The following BCAS1 variants were observed in gnomAD, a reference collection of about 807,000 sequenced individuals.
BCAS1 encodes the protein brain enriched myelin associated protein 1, also known as breast carcinoma-amplified sequence 1.
In BCAS1, 46 loss-of-function variants were observed where a neutral mutation model predicts 65.4. That is an observed-to-expected ratio of 0.70 (90% CI 0.55 to 0.90). BCAS1 has a LOEUF of 0.90. Ranked by LOEUF, BCAS1 falls within the 40% of genes least tolerant of loss-of-function variation. The pLI, the probability that BCAS1 is intolerant of heterozygous loss-of-function variation, is 0.00. For synonymous variants in BCAS1, 298 were observed against 293.5 expected (o/e 1.02, Z -0.16); for missense variants, 793 against 771.2 (o/e 1.03, Z -0.33).
intron 6 of BCAS1, 37 bp downstream of exon 6, chr20:53,994,975 A>G: frequency 3.1e-6 from 5 of 1,594,978 alleles, no homozygotes; most frequent in Non-Finnish European, 3.4e-6. Context: ...TCTATGCGCA[A>G]ACCCAAATAT....
chr20:54,063,429 T>C (rs1368817573), intron 1 of BCAS1, among the ~76,000 whole-genome samples: 1 of 152,236 alleles, frequency 6.6e-6, no homozygotes, highest in Admixed American at 6.5e-5. Context: ...CCTTGCTCTT[T>C]GAAGCCAGTT....
intron 4 of BCAS1, among the ~76,000 whole-genome samples, chr20:54,003,397 C>G (rs1178158172): frequency 6.6e-6 from 1 of 152,146 alleles, no homozygotes; most frequent in East Asian, 1.9e-4. Flanking sequence ...CTTTTGAAAT[C>G]TATTCTTCAC....
In BCAS1 at chr20:53,960,682, T is replaced by C. The variant is rs1194684671; in HGVS notation, c.1486-3185A>G. ...AACAACTGTTTCCTTCCTTCCTTCC[T>C]TCCTTCTTTCCTTCCTTCCTTCCTC... On this transcript the variant is annotated intron_variant, in intron 10 of 12. Transcript: ENST00000688948. Among the ~76,000 whole-genome samples the C allele has an allele frequency of 3.9e-5, 6 of 152,142 alleles. No homozygotes were observed. In the East Asian group the frequency reaches 7.7e-4, roughly 20 times the overall value.
rs2092417481 is a variant in BCAS1 at position 54,064,921 on chromosome 20, T to C, written c.-6+5512A>G. Among the ~76,000 whole-genome samples, 5 of 152,266 alleles carry C rather than the reference T, an allele frequency of 3.3e-5. No homozygotes were observed. In the South Asian group the frequency reaches 1.0e-3, roughly 32 times the overall value. ...TACTTTTATTTTCCCAGTTGTCTTA[T>C]GAGAAGCCGGAGCACAGAGAGGTTG... On this transcript the variant is annotated intron_variant, in intron 1 of 12. Transcript: ENST00000688948.
intron 3 of BCAS1, among the ~76,000 whole-genome samples, chr20:54,050,275 T>C (rs1408074008): frequency 1.3e-5 from 2 of 152,218 alleles, no homozygotes; most frequent in African/African-American, 4.8e-5. Flanking sequence ...TCATCTCACA[T>C]TCCTTAGTCA....
At chr20:53,974,872 G>C (rs2090282943) in intron 9 of BCAS1, among the ~76,000 whole-genome samples, 1 of 152,142 alleles carries the variant, frequency 6.6e-6, no homozygotes. Context: ...AAACTGTGAG[G>C]CTCAACGTCT....
At chr20:53,946,082 A>G (rs916892660) in intron 12 of BCAS1, among the ~76,000 whole-genome samples, 1 of 151,068 alleles carries the variant, frequency 6.6e-6, no homozygotes, top group East Asian at 1.9e-4. Context: ...CCTGAGTACT[A>G]TTATTATTAT....
At chr20:53,975,306 GACCCCAGAGCTGA>G in intron 9 of BCAS1, 70 bp downstream of exon 9, 1 of 1,234,328 alleles carries the variant, frequency 8.1e-7, no homozygotes, top group Non-Finnish European at 1.2e-6. Context: ...AAGAACACAG[GACCCCAGAGCTGA>G]AAATGCCCAA....
chr20:54,041,580 G>A lies in BCAS1; in HGVS notation c.143-12608C>T, dbSNP rs543848591. Among the ~76,000 whole-genome samples, 122 of 152,136 alleles carry A rather than the reference G, an allele frequency of 8.0e-4. 1 individual carries two copies. Among genetic ancestry groups the A allele is most frequent in the South Asian group, 4.8e-3 (23 of 4,818 alleles). On this transcript the variant is annotated intron_variant, in intron 3 of 12. Transcript: ENST00000688948. The stretch of plus-strand genomic sequence containing the variant: ...ACAATTGATGACCCCAGTGGAAAGC[G>A]TATAAAAAAAGAGCAGCTGTGGCTG...
At chr20:53,994,452 C>T (rs181892336) in intron 6 of BCAS1, among the ~76,000 whole-genome samples, 11 of 152,320 alleles carry the variant, frequency 7.2e-5, no homozygotes, top group African/African-American at 2.2e-4. Flanking sequence ...CATGGCCATC[C>T]GTTTGGCAGG....
At chr20:53,959,344 C>T (rs1460840627) in intron 10 of BCAS1, among the ~76,000 whole-genome samples, 2 of 151,930 alleles carry the variant, frequency 1.3e-5, no homozygotes, top group Admixed American at 1.3e-4. Flanking sequence ...GCTTCTGCCT[C>T]CCAGGTTCAA....
At chr20:54,060,524 G>A (rs551347101) in intron 1 of BCAS1, among the ~76,000 whole-genome samples, 1 of 149,880 alleles carries the variant, frequency 6.7e-6, no homozygotes, top group African/African-American at 2.5e-5. Flanking sequence ...TTTTCACCAT[G>A]TTGGCCAGAC....
intron 1 of BCAS1, among the ~76,000 whole-genome samples, chr20:54,065,094 A>G (rs1477669461): frequency 6.6e-6 from 1 of 151,042 alleles, no homozygotes; most frequent in Non-Finnish European, 1.5e-5. Context: ...TTTCAACTTT[A>G]TGATGAGTAT....
chr20:54,030,983 T>C (rs2091787700), intron 3 of BCAS1, among the ~76,000 whole-genome samples: 1 of 151,446 alleles, frequency 6.6e-6, no homozygotes, highest in South Asian at 2.1e-4. Flanking sequence ...AGAGTGAATA[T>C]AAATGAATTG....
At chr20:54,046,528 CA>C (rs71196442) in intron 3 of BCAS1, among the ~76,000 whole-genome samples, 2,667 of 54,188 alleles carry the variant, frequency 0.049, 62 homozygotes, top group African/African-American at 0.16. Context: ...GACTCCATCT[CA>C]AAAAAAAAAA....
intron 3 of BCAS1, among the ~76,000 whole-genome samples, chr20:54,056,645 G>T (rs145831718): frequency 6.6e-5 from 10 of 152,154 alleles, no homozygotes; most frequent in Middle Eastern, 3.4e-3. Context: ...AATAGTTCAG[G>T]TTCTCAGTCC....
At chr20:54,028,996 G>A (rs754085101) in intron 3 of BCAS1, 24 bp from the exon 4 acceptor site, 25 of 1,571,486 alleles carry the variant, frequency 1.6e-5, no homozygotes, top group East Asian at 1.6e-4. Context: ...CATAAACAGT[G>A]GTTATTCAGC....
At chr20:53,949,615 T>G (rs16998608) in intron 12 of BCAS1, among the ~76,000 whole-genome samples, 5,796 of 152,314 alleles carry the variant, frequency 0.038, 397 homozygotes, top group East Asian at 0.33. Flanking sequence ...GCTTGGTCTT[T>G]GGAAAGCGGC....
At chr20:53,950,292 C>T (rs151312212) in intron 12 of BCAS1, among the ~76,000 whole-genome samples, 603 of 152,320 alleles carry the variant, frequency 4.0e-3, no homozygotes, top group Middle Eastern at 6.8e-3. Context: ...ATTCCCACCC[C>T]CGTGCCTTTG....
Sources: allele counts gnomAD v4.1 joint callset (sites outside exome capture counted in the v4.1 genomes callset), GRCh38; gene constraint gnomAD v4.1.1; transcripts MANE v1.5; gene names NCBI Gene and HGNC (gene_info 2026-07-23, HGNC 2026-07-21).